The following NR2F1-AS1 variants were observed in gnomAD, a reference collection of about 807,000 sequenced individuals.
NR2F1-AS1 encodes NR2F1 antisense RNA 1.
At chr5:93,463,176 G>A (rs1750138087) in intron 4 of NR2F1-AS1, among the ~76,000 whole-genome samples, 1 of 152,162 alleles carries the variant, frequency 6.6e-6, no homozygotes, top group Non-Finnish European at 1.5e-5. Flanking sequence ...CCTGCTGTAT[G>A]CCACCTAGGG....
intron 4 of NR2F1-AS1, among the ~76,000 whole-genome samples, chr5:93,488,932 G>A (rs960151099): frequency 4.6e-5 from 7 of 152,144 alleles, no homozygotes; most frequent in African/African-American, 1.4e-4. Flanking sequence ...AAAAGGATGA[G>A]TTCATGTCCT....
At chr5:93,560,877 A>G (rs1166477433) in intron 2 of NR2F1-AS1, among the ~76,000 whole-genome samples, 1 of 152,246 alleles carries the variant, frequency 6.6e-6, no homozygotes, top group Admixed American at 6.5e-5. Context: ...TTGCTCCTAT[A>G]TCTACATATA....
chr5:93,468,901 G>A (rs1424692032), intron 4 of NR2F1-AS1, among the ~76,000 whole-genome samples: 1 of 152,098 alleles, frequency 6.6e-6, no homozygotes, highest in Non-Finnish European at 1.5e-5. Flanking sequence ...TATTAAGCAG[G>A]GAATCCTTTC....
chr5:93,418,216 TA>T (rs1749008110), intron 4 of NR2F1-AS1, among the ~76,000 whole-genome samples: 1 of 152,098 alleles, frequency 6.6e-6, no homozygotes, highest in Non-Finnish European at 1.5e-5. Context: ...AGCCGAGGCC[TA>T]AAGGGGGCCA....
At chr5:93,561,398 C>T (rs1369243223) in intron 2 of NR2F1-AS1, among the ~76,000 whole-genome samples, 4 of 152,092 alleles carry the variant, frequency 2.6e-5, no homozygotes, top group Non-Finnish European at 4.4e-5. Context: ...ATGTTCAATG[C>T]TATAATAAGT....
intron 4 of NR2F1-AS1, among the ~76,000 whole-genome samples, chr5:93,488,302 C>T (rs1170337679): frequency 6.6e-6 from 1 of 152,112 alleles, no homozygotes; most frequent in Non-Finnish European, 1.5e-5. Context: ...AGTAAACAGG[C>T]AACCTACAGA....
chr5:93,479,999 A>C (rs966112583), intron 4 of NR2F1-AS1, among the ~76,000 whole-genome samples: 4 of 152,176 alleles, frequency 2.6e-5, no homozygotes, highest in African/African-American at 9.6e-5. Context: ...CAGACAAAAA[A>C]AATTAATGAA....
intron 4 of NR2F1-AS1, among the ~76,000 whole-genome samples, chr5:93,457,985 C>T (rs1026583050): frequency 1.3e-5 from 2 of 152,204 alleles, no homozygotes; most frequent in African/African-American, 2.4e-5. Context: ...TCGGGAATCT[C>T]TCGTTAACTT....
At chr5:93,496,571 G>A (rs1001583092) in intron 4 of NR2F1-AS1, among the ~76,000 whole-genome samples, 5 of 152,212 alleles carry the variant, frequency 3.3e-5, no homozygotes, top group South Asian at 2.1e-4. Context: ...TATTTTCACT[G>A]TTAAACAAAT....
At chr5:93,504,639 G>T (rs917254259) in intron 4 of NR2F1-AS1, among the ~76,000 whole-genome samples, 2 of 151,914 alleles carry the variant, frequency 1.3e-5, no homozygotes, top group African/African-American at 4.8e-5. Context: ...GGAGGCAAAA[G>T]GCACTTCTTA....
intron 4 of NR2F1-AS1, among the ~76,000 whole-genome samples, chr5:93,514,743 A>G (rs2149892542): frequency 6.6e-6 from 1 of 152,204 alleles, no homozygotes; most frequent in East Asian, 1.9e-4. Context: ...AAGGCTAACC[A>G]ATTAATTTTT....
intron 4 of NR2F1-AS1, among the ~76,000 whole-genome samples, chr5:93,438,043 T>C (rs890013256): frequency 6.6e-6 from 1 of 152,186 alleles, no homozygotes; most frequent in African/African-American, 2.4e-5. Context: ...ATAACAAAGA[T>C]AATGTCAACC....
At chr5:93,450,934 A>C (rs867426786) in intron 4 of NR2F1-AS1, among the ~76,000 whole-genome samples, 609 of 151,182 alleles carry the variant, frequency 4.0e-3, no homozygotes, top group Middle Eastern at 0.021. Context: ...AAAAAAAAAA[A>C]AAAAACAGAG....
intron 4 of NR2F1-AS1, among the ~76,000 whole-genome samples, chr5:93,428,347 A>G (rs1045599490): frequency 2.6e-5 from 4 of 152,222 alleles, no homozygotes; most frequent in African/African-American, 9.6e-5. Flanking sequence ...GATAAAAGCA[A>G]CAAGCACCAA....
At chr5:93,514,045 T>C (rs945680565) in intron 4 of NR2F1-AS1, among the ~76,000 whole-genome samples, 5 of 152,046 alleles carry the variant, frequency 3.3e-5, no homozygotes, top group African/African-American at 9.7e-5. Context: ...ATTTGATAGA[T>C]AGGATTACAG....
At chr5:93,418,549 G>A (rs902174842) in intron 4 of NR2F1-AS1, among the ~76,000 whole-genome samples, 1 of 152,036 alleles carries the variant, frequency 6.6e-6, no homozygotes, top group Non-Finnish European at 1.5e-5. Flanking sequence ...TTGCACCGCT[G>A]CAGTCCAGCC....
At chr5:93,494,338 A>G (rs899856546) in intron 4 of NR2F1-AS1, among the ~76,000 whole-genome samples, 2 of 152,208 alleles carry the variant, frequency 1.3e-5, no homozygotes, top group African/African-American at 4.8e-5. Flanking sequence ...AAAATAAAAA[A>G]TGTTGGCAAG....
At chr5:93,440,758 A>G (rs1749551387) in intron 4 of NR2F1-AS1, among the ~76,000 whole-genome samples, 1 of 152,178 alleles carries the variant, frequency 6.6e-6, no homozygotes. Flanking sequence ...TGTTTTCCCT[A>G]ATTTCAACAG....
intron 1 of NR2F1-AS1, chr5:93,570,589 G>C (rs2149927031): frequency 6.8e-6 from 1 of 147,376 alleles, no homozygotes; most frequent in Non-Finnish European, 1.5e-5. Context: ...CCTGGGGTTC[G>C]GGAAGCGTGC....
Sources: allele counts gnomAD v4.1 joint callset (sites outside exome capture counted in the v4.1 genomes callset), GRCh38; gene constraint gnomAD v4.1.1; transcripts MANE v1.5; gene names NCBI Gene and HGNC (gene_info 2026-07-23, HGNC 2026-07-21).